ACTR3C: variants seen among roughly 807,000 people sequenced by gnomAD.
ACTR3C encodes the protein actin-related protein 3C.
A neutral mutation model predicts 26.3 loss-of-function variants in ACTR3C; 18 were observed. That is an observed-to-expected ratio of 0.68 (90% CI 0.47 to 1.01). The LOEUF (loss-of-function observed/expected upper bound fraction) is 1.01. Among genes scored for constraint, ACTR3C ranks in the 50% least tolerant of loss-of-function variants. The pLI, the probability that ACTR3C is intolerant of heterozygous loss-of-function variation, is 0.00. For synonymous variants in ACTR3C, 55 were observed against 94.5 expected, an observed-to-expected ratio of 0.58 and a Z score of 2.42; for missense variants, 184 against 250.7, an observed-to-expected ratio of 0.73 and a Z score of 1.80.
At chr7:150,107,090 G>C in the ACTR3C span, among the ~76,000 whole-genome samples, 1 of 143,658 alleles carries the variant, frequency 7.0e-6, no homozygotes, top group Non-Finnish European at 1.5e-5. Flanking sequence ...TGTATGGGGT[G>C]GGGTGGGGAC....
At chr7:150,048,359 G>A in the ACTR3C span, among the ~76,000 whole-genome samples, 3 of 151,874 alleles carry the variant, frequency 2.0e-5, no homozygotes, top group Admixed American at 1.3e-4. Flanking sequence ...CCTCCTCCCC[G>A]CGCCCGGGAC....
the ACTR3C span, among the ~76,000 whole-genome samples, chr7:150,034,902 C>CCTCCCCCACCCTGCGATGGG: frequency 6.9e-6 from 1 of 144,910 alleles, no homozygotes; most frequent in African/African-American, 2.6e-5. Context: ...GCGGGGGGTG[C>CCTCCCCCACCCTGCGATGGG]CTCCCCCACC....
At chr7:150,187,471 A>G in the ACTR3C span, among the ~76,000 whole-genome samples, 9 of 147,422 alleles carry the variant, frequency 6.1e-5, no homozygotes, top group Admixed American at 2.7e-4. Context: ...AGTACTAACT[A>G]AAGAATTTAT....
At chr7:149,993,577 G>C in the ACTR3C span, among the ~76,000 whole-genome samples, 30 of 152,182 alleles carry the variant, frequency 2.0e-4, no homozygotes, top group Admixed American at 8.5e-4. Context: ...AGGACAGAAG[G>C]AAGAGGCTTG....
chr7:149,889,843 C>A, the ACTR3C span, among the ~76,000 whole-genome samples: 1 of 152,078 alleles, frequency 6.6e-6, no homozygotes. Context: ...GACAACAGAG[C>A]AAGATCCCAT....
the ACTR3C span, among the ~76,000 whole-genome samples, chr7:150,058,699 G>T: frequency 6.6e-6 from 1 of 152,162 alleles, no homozygotes; most frequent in Admixed American, 6.5e-5. Flanking sequence ...GGTGGATCAC[G>T]AGGTCAGGAA....
the ACTR3C span, among the ~76,000 whole-genome samples, chr7:150,031,266 A>G: frequency 1.6e-5 from 1 of 61,966 alleles, no homozygotes; most frequent in East Asian, 8.1e-4. Context: ...CAAATTTAAA[A>G]AAAAAAAGTA....
chr7:149,985,029 T>C, the ACTR3C span, among the ~76,000 whole-genome samples: 1 of 152,148 alleles, frequency 6.6e-6, no homozygotes, highest in Non-Finnish European at 1.5e-5. Flanking sequence ...TAATAGAACC[T>C]GCCTACGCAC....
chr7:150,105,085 CT>C, the ACTR3C span, among the ~76,000 whole-genome samples: 288 of 138,472 alleles, frequency 2.1e-3, no homozygotes, highest in East Asian at 4.5e-3. Context: ...TTCTTTTTTT[CT>C]TTTTTTTTTT....
At chr7:150,222,521 A>G in the ACTR3C span, among the ~76,000 whole-genome samples, 1 of 152,024 alleles carries the variant, frequency 6.6e-6, no homozygotes, top group South Asian at 2.1e-4. Flanking sequence ...CTCAATTCCA[A>G]TTTTCTGGCT....
At chr7:149,952,758 T>A in the ACTR3C span, among the ~76,000 whole-genome samples, 5 of 151,300 alleles carry the variant, frequency 3.3e-5, no homozygotes, top group Admixed American at 3.3e-4. Context: ...AAATGCAAAT[T>A]AGTAGAGTCT....
At chr7:149,963,040 G>A in the ACTR3C span, among the ~76,000 whole-genome samples, 62 of 152,244 alleles carry the variant, frequency 4.1e-4, no homozygotes, top group Admixed American at 7.2e-4. Context: ...GCTGAGCAGA[G>A]GTGTGGACCT....
At chr7:150,009,828 C>A in the ACTR3C span, among the ~76,000 whole-genome samples, 22 of 152,374 alleles carry the variant, frequency 1.4e-4, no homozygotes, top group African/African-American at 5.3e-4. Flanking sequence ...GGCTAATTCT[C>A]TCCTCTGTTC....
At chr7:150,066,151 T>A in the ACTR3C span, among the ~76,000 whole-genome samples, 1 of 151,990 alleles carries the variant, frequency 6.6e-6, no homozygotes, top group Admixed American at 6.5e-5. Flanking sequence ...TACACACACA[T>A]ACACACACAC....
chr7:150,150,356 G>A, the ACTR3C span, among the ~76,000 whole-genome samples: 50 of 152,348 alleles, frequency 3.3e-4, no homozygotes, highest in African/African-American at 1.1e-3. Flanking sequence ...GCCACCTTCT[G>A]AGATTGAGGC....
At chr7:150,186,722 A>G in the ACTR3C span, among the ~76,000 whole-genome samples, 1 of 152,186 alleles carries the variant, frequency 6.6e-6, no homozygotes, top group South Asian at 2.1e-4. Context: ...GCTTTGCCCA[A>G]GTACGTTCTT....
chr7:150,300,140 C>T (rs1316600558), intron 1 of ACTR3C, among the ~76,000 whole-genome samples: 3 of 152,102 alleles, frequency 2.0e-5, no homozygotes, highest in African/African-American at 7.2e-5. Context: ...ATCATGAGCT[C>T]AGGAGTTTGA....
intron 6 of ACTR3C, among the ~76,000 whole-genome samples, chr7:150,275,255 G>A (rs1405691859): frequency 6.6e-6 from 1 of 152,176 alleles, no homozygotes; most frequent in African/African-American, 2.4e-5. Context: ...TGGAGCATCA[G>A]GCCTCATTAC....
chr7:149,907,478 T>TCTCTC, the ACTR3C span, among the ~76,000 whole-genome samples: 695 of 97,660 alleles, frequency 7.1e-3, 11 homozygotes, highest in Middle Eastern at 0.019. Flanking sequence ...CTCTCTTCTC[T>TCTCTC]TCTCTCTCTC....
Sources: gnomAD v4.1 joint callset for allele counts (sites outside exome capture counted in the v4.1 genomes callset) on GRCh38, gnomAD v4.1.1 for gene constraint, MANE v1.5 for transcripts, NCBI Gene and HGNC (gene_info 2026-07-23, HGNC 2026-07-21) for gene names.